DENND4B: variants seen among roughly 807,000 people sequenced by gnomAD.
The protein encoded by DENND4B is DENN domain-containing protein 4B.
A neutral mutation model predicts 161.0 loss-of-function variants in DENND4B; 67 were observed. The ratio of observed to expected loss-of-function variants is 0.42; its 90% CI spans 0.34 to 0.51. DENND4B has a LOEUF of 0.51. DENND4B is among the 20% of genes least tolerant of loss of function. The probability of loss-of-function intolerance (pLI) is 0.08; values close to 1 mark genes in which losing one functional copy is unlikely to be tolerated. For synonymous variants in DENND4B, 753 were observed against 813.8 expected (o/e 0.93, Z 1.27); for missense variants, 1,481 against 1,968.0 (o/e 0.75, Z 4.68).
At position 153,939,752 on chromosome 1, in the gene DENND4B, G is replaced by A. The variant is rs760373636; in HGVS notation, c.1656C>T (p.Tyr552=). The stretch of plus-strand genomic sequence containing the variant: ...GGGCCCTGCGGCCACACACTGCCTC[G>A]TAGTCTGTCAGTAGGAACTCCAGGG... ...EASLEFLLTD[Y]EAVCGRRARL... is the part of the protein sequence containing the mutation. The change falls in exon 12 of 28, where the codon TAC becomes TAT. Residue 552 remains tyrosine (Y), a synonymous_variant. Transcript: ENST00000361217. 21 of 1,613,778 alleles carry A rather than the reference G, an allele frequency of 1.3e-5. No individual in the cohort carries two copies. The highest frequency in any genetic ancestry group is 4.5e-5 in the East Asian group (2 of 44,868).
At chr1:153,939,066 G>T in intron 12 of DENND4B, 21 bp from the exon 13 acceptor site, 2 of 1,609,646 alleles carry the variant, frequency 1.2e-6, no homozygotes, top group Non-Finnish European at 1.7e-6. Context: ...TGAGAATGGG[G>T]CAGAGGAGGG....
rs1678864718 is a variant in DENND4B at position 153,930,772 on chromosome 1, A to G, written c.4200T>C (p.Val1400=). 1 of 1,609,874 alleles carries G rather than the reference A, an allele frequency of 6.2e-7. No homozygotes were observed. The highest frequency in any genetic ancestry group is 1.3e-5 in the African/African-American group (1 of 74,992). The change falls in exon 26 of 28, where the codon GTT becomes GTC. Residue 1400 remains valine, a synonymous_variant. Transcript: ENST00000361217. This position sits in a 1 kb window ranked among gnomAD's most constrained non-coding sequence, Gnocchi z 4.7. ...CAGCCTTGTGCACTTCATTGAGTCC[A>G]ACATGGCGCAGCACTGACTCCAACA... The part of the protein sequence containing the change: ...LALLESVLRH[V]GLNEVHKAVG...
Position 153,936,864 on chromosome 1 carries a change from C to A in DENND4B, c.2233-116G>T, listed in dbSNP as rs944817976. The stretch of plus-strand genomic sequence containing the variant: ...TGTCACCCAGGCTGGAGTGCAGTGG[C>A]GCAATCTTGGCTCACTGCAGACTCG... On this transcript the variant is annotated intron_variant, in intron 15 of 27. Transcript: ENST00000361217. This position sits in a 1 kb window ranked among gnomAD's most constrained non-coding sequence, Gnocchi z 4.1. The A allele has an allele frequency of 2.8e-6, 3 of 1,088,144 alleles. No individual in the cohort carries two copies. Among genetic ancestry groups the A allele is most frequent in the Non-Finnish European group, 3.8e-6 (3 of 790,932 alleles). 67.4% of individuals were successfully genotyped at this position (1,088,144 alleles called of 1,614,324 possible).
intron 1 of DENND4B, among the ~76,000 whole-genome samples, chr1:153,945,588 GCACACACGTA>G (rs1339611422): frequency 2.0e-5 from 3 of 151,476 alleles, no homozygotes; most frequent in African/African-American, 7.3e-5. Context: ...ACACACACAC[GCACACACGTA>G]CACACACCAA....
intron 17 of DENND4B, 105 bp downstream of exon 17, chr1:153,935,955 C>T (rs1571042515): frequency 7.0e-7 from 1 of 1,436,344 alleles, no homozygotes. Flanking sequence ...AGGACCTAGG[C>T]AAACAGTACC....
At chr1:153,939,558 A>G (rs2102051930) in intron 12 of DENND4B, 31 bp downstream of exon 12, 1 of 1,571,492 alleles carries the variant, frequency 6.4e-7, no homozygotes, top group Admixed American at 1.7e-5. Flanking sequence ...CTCCCATGAT[A>G]CATCTCCAAG....
At position 153,944,213 on chromosome 1, in the gene DENND4B, A is replaced by G; in HGVS notation, c.162T>C (p.Ala54=). ...GGGGCACTTCCTCGCCCAGTGCCCT[A>G]GCGATGACTGCCACATCTGTGATGG... The part of the protein sequence containing the change: ...AEPITDVAVI[A]RALGEEVPQG... Residue 54 remains alanine (A), a synonymous_variant, in exon 2 of 28, where the codon GCT becomes GCC. Coordinates refer to ENST00000361217, the MANE Select transcript of DENND4B (RefSeq NM_014856.3). This position sits in a 1 kb window ranked among gnomAD's most constrained non-coding sequence, Gnocchi z 4.8. The G allele has an allele frequency of 1.2e-6, 2 of 1,608,930 alleles. No homozygotes were observed. Among genetic ancestry groups the G allele is most frequent in the Non-Finnish European group, 1.7e-6 (2 of 1,177,580 alleles).
rs564578571 is a variant in DENND4B, at chr1:153,936,312, G to A, written c.2440-124C>T. 6.4e-6 allele frequency: 9 copies of A among 1,415,508 alleles called. No individual in the cohort carries two copies. The Admixed American group carries it at 2.0e-4, about 31-fold the overall frequency. 87.7% of individuals were successfully genotyped at this position (1,415,508 alleles called of 1,614,324 possible). A position where few individuals can be genotyped will look rare whatever the true frequency, so the allele number is the denominator to read the frequency against. On this transcript the variant is annotated intron_variant, in intron 16 of 27. Transcript: ENST00000361217. This position sits in a 1 kb window ranked among gnomAD's most constrained non-coding sequence, Gnocchi z 4.1. ...ATCACTGGCCCCTGGCAGGTCCTGG[G>A]GCTACCTCAGAGCCACCCACCCTTT...
In DENND4B at chr1:153,942,621, C is replaced by T; in HGVS notation, c.575G>A (p.Gly192Asp). 6.3e-7 allele frequency: 1 copy of T among 1,588,192 alleles called. No homozygotes were observed. Residue 192 changes from glycine to aspartate, a missense_variant, in exon 4 of 28, where the codon GGC becomes GAC. Coordinates refer to ENST00000361217, the MANE Select transcript of DENND4B (RefSeq NM_014856.3). The surrounding 1 kb of genome is among the most constrained non-coding windows in gnomAD (Gnocchi z 6.9). ...CTTATAGCACAGGTACACTGCTGGG[C>T]CCCACTACCCCAGAAATGGCAAGAG... is the stretch of plus-strand genomic sequence containing the variant. Reference protein sequence around the residue: ...LPRNLNPGMWGPAVYLCYKVG... With the variant: ...LPRNLNPGMWDPAVYLCYKVG...
chr1:153,934,814 G>T lies in DENND4B; in HGVS notation c.2719C>A (p.Gln907Lys), dbSNP rs1008430790. The stretch of plus-strand genomic sequence containing the variant: ...GCTGACACCTGCTCCTGCTGCTGCT[G>T]CTGCTGCTGCTGCTGTTGCTGCTGC... ...QQQQQQQQQQ[Q>K]QQQEQVSAHQ... is the part of the protein sequence containing the mutation. The change falls in exon 18 of 28, where the codon CAG (glutamine) becomes AAG (lysine). Residue 907 changes from glutamine (Q) to lysine (K), a missense_variant. Physicochemically the swap from Gln to Lys is moderately conservative, Grantham distance 53. Coordinates refer to ENST00000361217, the MANE Select transcript of DENND4B (RefSeq NM_014856.3). The surrounding 1 kb of genome is among the most constrained non-coding windows in gnomAD (Gnocchi z 5.3). 2.9e-5 allele frequency: 37 copies of T among 1,284,648 alleles called. No homozygotes were observed. Among genetic ancestry groups the T allele is most frequent in the Non-Finnish European group, 3.7e-5 (34 of 917,770 alleles). 79.6% of individuals were successfully genotyped at this position (1,284,648 alleles called of 1,614,324 possible). A position where few individuals can be genotyped will look rare whatever the true frequency, so the allele number is the denominator to read the frequency against.
chr1:153,930,254 C>T lies in DENND4B; in HGVS notation c.*43G>A. 1 of 1,590,318 alleles carries T rather than the reference C, an allele frequency of 6.3e-7. No individual in the cohort carries two copies. Among genetic ancestry groups the T allele is most frequent in the Middle Eastern group, 1.7e-4 (1 of 5,992 alleles). On this transcript the variant is annotated 3_prime_UTR_variant, in exon 28 of 28. Coordinates refer to ENST00000361217, the MANE Select transcript of DENND4B (RefSeq NM_014856.3). The surrounding 1 kb of genome is among the most constrained non-coding windows in gnomAD (Gnocchi z 4.7). ...CAGTTTAACTCTAGAATCCCTTCTTCCTCACTTCCCCACCCTAGGCTGGAG... is the reference window on the plus strand; with the variant it reads ...CAGTTTAACTCTAGAATCCCTTCTTTCTCACTTCCCCACCCTAGGCTGGAG...
chr1:153,945,139 C>A (rs746133765), intron 1 of DENND4B: 1 of 1,289,576 alleles, frequency 7.8e-7, no homozygotes, highest in South Asian at 1.2e-5. Flanking sequence ...TCTCACCTGC[C>A]TCCATGGCCC....
intron 12 of DENND4B, 82 bp downstream of exon 12, chr1:153,939,507 C>A: frequency 1.4e-6 from 2 of 1,455,614 alleles, no homozygotes; most frequent in Non-Finnish European, 1.9e-6. Context: ...GGCTCCCAGT[C>A]CCCTCCGCCT....
In DENND4B at chr1:153,940,359, C is replaced by A; in HGVS notation, c.1502+72G>T. ...TTTGTGCCTGAAGCTCTTTTTGAGC[C>A]CGTAGCACTCCACACACTAGCCCAT... On this transcript the variant is annotated intron_variant, in intron 10 of 27. Transcript: ENST00000361217. This position sits in a 1 kb window ranked among gnomAD's most constrained non-coding sequence, Gnocchi z 5.6. The A allele has an allele frequency of 6.4e-7, 1 of 1,573,412 alleles. No homozygotes were observed. The highest frequency in any genetic ancestry group is 1.2e-5 in the South Asian group (1 of 85,958).
intron 2 of DENND4B, among the ~76,000 whole-genome samples, chr1:153,943,559 T>A (rs538991919): frequency 5.7e-4 from 86 of 151,652 alleles, no homozygotes; most frequent in Admixed American, 2.0e-3. Context: ...ATGCCTATAG[T>A]CTCAGCTACT....
Position 153,946,655 on chromosome 1 carries a change from G to T in DENND4B, c.-378C>A. The T allele has an allele frequency of 2.6e-6, 1 of 377,994 alleles. No individual in the cohort carries two copies. The highest frequency in any genetic ancestry group is 4.7e-6 in the Non-Finnish European group (1 of 214,064). The allele number at this position is 377,994 out of a possible 1,614,324, so 23.4% of individuals were successfully genotyped here. A position where few individuals can be genotyped will look rare whatever the true frequency, so the allele number is the denominator to read the frequency against. On this transcript the variant is annotated 5_prime_UTR_variant, in exon 1 of 28. Transcript: ENST00000361217. The surrounding 1 kb of genome is among the most constrained non-coding windows in gnomAD (Gnocchi z 6.3). ...ACTCCCCCAACCCCCGCTCCGGGCC[G>T]CGGGCGCCGCCGCTACCCCCACCCC...
rs1679136674 is a variant in DENND4B at position 153,933,811 on chromosome 1, C to T, written c.3002G>A (p.Ser1001Asn). Residue 1001 changes from serine to asparagine, a missense_variant, in exon 20 of 28, where the codon AGT becomes AAT. Around this residue, in one of 3 missense-constraint regions of DENND4B, gnomAD observed 339 missense variants for 330.3 expected, o/e 1.03. Coordinates refer to ENST00000361217, the MANE Select transcript of DENND4B (RefSeq NM_014856.3). This position sits in a 1 kb window ranked among gnomAD's most constrained non-coding sequence, Gnocchi z 5.7. ...RGSPVPWHDG[S>N]LSDLSLTGEE... ...CCCTGTCAGGCTCAGGTCTGAGAGACTTCCATCGTGCCAGGGCACAGGTGA... is the reference window on the plus strand; with the variant it reads ...CCCTGTCAGGCTCAGGTCTGAGAGATTTCCATCGTGCCAGGGCACAGGTGA... The T allele has an allele frequency of 6.2e-7, 1 of 1,613,152 alleles. No homozygotes were observed. The highest frequency in any genetic ancestry group is 1.7e-4 in the Middle Eastern group (1 of 6,060).
In DENND4B at chr1:153,941,937, G is replaced by A. The variant is rs1462985317; in HGVS notation, c.987C>T (p.Ala329=). The A allele has an allele frequency of 3.1e-6, 5 of 1,612,314 alleles. No homozygotes were observed. In the African/African-American group the frequency reaches 6.7e-5, roughly 22 times the overall value. The part of the protein sequence containing the change: ...AVLSRWPAFP[A]FRAFLTFLYR... ...AAAGGAAGGTGAGGAAGGCGCGGAAGGCAGGGAAGGCAGGCCAGCGGGACA... is the reference window on the plus strand; with the variant it reads ...AAAGGAAGGTGAGGAAGGCGCGGAAAGCAGGGAAGGCAGGCCAGCGGGACA... The change falls in exon 6 of 28, where the codon GCC becomes GCT. Residue 329 remains alanine, a synonymous_variant. Transcript: ENST00000361217.
intron 6 of DENND4B, 73 bp downstream of exon 6, chr1:153,941,796 G>T: frequency 6.9e-7 from 1 of 1,455,414 alleles, no homozygotes. Context: ...ACCCACATCT[G>T]AATCTCTCCC....
Sources: allele counts gnomAD v4.1 joint callset (sites outside exome capture counted in the v4.1 genomes callset), GRCh38; gene constraint gnomAD v4.1.1; regional missense constraint gnomAD v4.1.1; non-coding constraint Gnocchi (gnomAD v3.1); transcripts MANE v1.5; gene names NCBI Gene and HGNC (gene_info 2026-07-23, HGNC 2026-07-21).